Variants in EPHA5 observed in about 807,000 individuals in gnomAD.
EPHA5 encodes the protein EPH receptor A5, also known as ephrin type-A receptor 5.
A neutral mutation model predicts 105.0 loss-of-function variants in EPHA5; 60 were observed. The observed-to-expected ratio is 0.57, with a 90% CI of 0.46 to 0.71. The LOEUF is 0.71. EPHA5 is among the 30% of genes least tolerant of loss of function. The pLI is 0.00. For missense variants in EPHA5, 1,218 were observed against 1,274.7 expected, an observed-to-expected ratio of 0.96 and a Z score of 0.68; for synonymous variants, 513 against 449.1, an observed-to-expected ratio of 1.14 and a Z score of -1.80.
At chr4:65,428,488 ACTCAGAC>A (rs1724666056) in intron 5 of EPHA5, among the ~76,000 whole-genome samples, 2 of 152,084 alleles carry the variant, frequency 1.3e-5, no homozygotes, top group Admixed American at 6.5e-5. Context: ...CAATCTGCTC[ACTCAGAC>A]AAAAACCTAC....
chr4:65,464,877 T>G (rs542519502), intron 5 of EPHA5, among the ~76,000 whole-genome samples: 8 of 152,234 alleles, frequency 5.3e-5, no homozygotes, highest in African/African-American at 1.9e-4. Context: ...ATTTATTCAT[T>G]TAAAATATTT....
At chr4:65,531,684 A>C (rs2149303379) in intron 3 of EPHA5, among the ~76,000 whole-genome samples, 1 of 152,122 alleles carries the variant, frequency 6.6e-6, no homozygotes, top group East Asian at 1.9e-4. Flanking sequence ...GGATATACTG[A>C]GATGTCTTTG....
At chr4:65,339,769 T>C (rs1721529660) in intron 14 of EPHA5, among the ~76,000 whole-genome samples, 1 of 152,020 alleles carries the variant, frequency 6.6e-6, no homozygotes, top group African/African-American at 2.4e-5. Flanking sequence ...ACACCATCCC[T>C]TTGCAGGACA....
At chr4:65,338,439 T>A (rs1038924243) in intron 14 of EPHA5, among the ~76,000 whole-genome samples, 4 of 152,112 alleles carry the variant, frequency 2.6e-5, no homozygotes, top group African/African-American at 9.6e-5. Context: ...CCAAAGCTGC[T>A]ACCAATTAAT....
chr4:65,330,470 A>C, intron 16 of EPHA5: 1 of 245,722 alleles, frequency 4.1e-6, no homozygotes, highest in Non-Finnish European at 6.5e-6. Context: ...ATTTGTAATT[A>C]TAACTATTTT....
chr4:65,498,382 T>C (rs761956197), intron 3 of EPHA5, among the ~76,000 whole-genome samples: 1 of 151,928 alleles, frequency 6.6e-6, no homozygotes, highest in Non-Finnish European at 1.5e-5. Flanking sequence ...AAATTGTATA[T>C]TTTCACAGTA....
intron 3 of EPHA5, among the ~76,000 whole-genome samples, chr4:65,581,612 G>A (rs1444056670): frequency 1.3e-5 from 2 of 151,664 alleles, no homozygotes; most frequent in Non-Finnish European, 3.0e-5. Context: ...TAAAGGTAAT[G>A]AATCTTAAAA....
chr4:65,601,016 C>T (rs1264206292), intron 3 of EPHA5, among the ~76,000 whole-genome samples: 1 of 152,082 alleles, frequency 6.6e-6, no homozygotes, highest in African/African-American at 2.4e-5. Flanking sequence ...TGTATTGGTT[C>T]TATCTTCAAA....
intron 3 of EPHA5, among the ~76,000 whole-genome samples, chr4:65,574,661 TATATACAC>T (rs1302894816): frequency 1.8e-4 from 9 of 49,554 alleles, no homozygotes; most frequent in African/African-American, 5.5e-4. Flanking sequence ...TACACATATA[TATATACAC>T]ATATATATAC....
intron 3 of EPHA5, among the ~76,000 whole-genome samples, chr4:65,570,915 G>A (rs1361450538): frequency 6.6e-6 from 1 of 151,948 alleles, no homozygotes; most frequent in African/African-American, 2.4e-5. Context: ...CAAACAAGTG[G>A]TGATATGATG....
intron 8 of EPHA5, among the ~76,000 whole-genome samples, chr4:65,383,157 ATG>A (rs1373504866): frequency 6.7e-6 from 1 of 150,318 alleles, no homozygotes; most frequent in African/African-American, 2.4e-5. Flanking sequence ...TTCAATAATG[ATG>A]TATATATATC....
intron 3 of EPHA5, among the ~76,000 whole-genome samples, chr4:65,542,837 A>G (rs997503675): frequency 1.3e-5 from 2 of 152,038 alleles, no homozygotes; most frequent in Non-Finnish European, 2.9e-5. Context: ...AAATACTGGC[A>G]AATCAAATTC....
intron 5 of EPHA5, among the ~76,000 whole-genome samples, chr4:65,467,812 G>A (rs1728862070): frequency 6.6e-6 from 1 of 152,174 alleles, no homozygotes; most frequent in Non-Finnish European, 1.5e-5. Context: ...TTATCTGGGT[G>A]GGCCCAATGT....
chr4:65,595,062 C>T (rs551776079), intron 3 of EPHA5, among the ~76,000 whole-genome samples: 44 of 151,748 alleles, frequency 2.9e-4, no homozygotes, highest in African/African-American at 1.0e-3. Context: ...GATTTCTGCA[C>T]TGGAAGCTCC....
At chr4:65,580,682 A>G (rs1741527289) in intron 3 of EPHA5, among the ~76,000 whole-genome samples, 1 of 151,800 alleles carries the variant, frequency 6.6e-6, no homozygotes, top group South Asian at 2.1e-4. Flanking sequence ...ATTTACAAAG[A>G]TCTCCCTCCT....
chr4:65,542,965 C>CA (rs1341251328), intron 3 of EPHA5, among the ~76,000 whole-genome samples: 1 of 151,658 alleles, frequency 6.6e-6, no homozygotes, highest in Non-Finnish European at 1.5e-5. Context: ...GAACCAATTA[C>CA]AAAACCACAT....
chr4:65,517,902 A>C (rs1022092981), intron 3 of EPHA5, among the ~76,000 whole-genome samples: 5 of 152,132 alleles, frequency 3.3e-5, no homozygotes, highest in African/African-American at 1.2e-4. Flanking sequence ...TAAAGATTCT[A>C]CTTTTAGTAT....
intron 3 of EPHA5, among the ~76,000 whole-genome samples, chr4:65,598,700 G>A (rs1354174846): frequency 6.6e-6 from 1 of 152,184 alleles, no homozygotes; most frequent in Non-Finnish European, 1.5e-5. Context: ...CTGTAGAAGG[G>A]ATATTGGAGC....
intron 1 of EPHA5, among the ~76,000 whole-genome samples, chr4:65,663,261 T>C (rs1273032434): frequency 6.6e-6 from 1 of 152,136 alleles, no homozygotes; most frequent in Non-Finnish European, 1.5e-5. Flanking sequence ...TGACTGCTTA[T>C]GGTTTCTTTA....
Sources: allele counts gnomAD v4.1 joint callset (sites outside exome capture counted in the v4.1 genomes callset), GRCh38; gene constraint gnomAD v4.1.1; transcripts MANE v1.5; gene names NCBI Gene and HGNC (gene_info 2026-07-23, HGNC 2026-07-21).